Variants in HS3ST5 observed in about 807,000 individuals in gnomAD.
The protein encoded by HS3ST5 is heparan sulfate glucosamine 3-O-sulfotransferase 5.
HS3ST5 carries 10 observed loss-of-function variants against 25.4 expected under a neutral mutation model. The ratio of observed to expected loss-of-function variants is 0.39; its 90% CI spans 0.24 to 0.67. The LOEUF is 0.67. Ranked by LOEUF, HS3ST5 falls within the 30% of genes least tolerant of loss-of-function variation. HS3ST5 has a pLI of 0.44. For synonymous variants in HS3ST5, 170 were observed against 162.4 expected (o/e 1.05, Z -0.36); for missense variants, 324 against 420.7 (o/e 0.77, Z 2.01).
intron 3 of HS3ST5, among the ~76,000 whole-genome samples, chr6:114,098,388 C>T (rs908841202): frequency 6.6e-6 from 1 of 150,774 alleles, no homozygotes; most frequent in Non-Finnish European, 1.5e-5. Context: ...GGAAACAAAA[C>T]ATATAACAAA....
At chr6:114,078,111 A>C (rs1224847070) in intron 3 of HS3ST5, among the ~76,000 whole-genome samples, 2 of 152,254 alleles carry the variant, frequency 1.3e-5, no homozygotes, top group Non-Finnish European at 1.5e-5. Context: ...TTGATATAAA[A>C]TTTTAGCAAA....
At chr6:114,191,208 C>A (rs1780485631) in intron 2 of HS3ST5, among the ~76,000 whole-genome samples, 1 of 152,098 alleles carries the variant, frequency 6.6e-6, no homozygotes, top group Non-Finnish European at 1.5e-5. Flanking sequence ...AATGTGTATT[C>A]CACGTATGTG....
Position 114,215,024 on chromosome 6 carries a change from G to A in HS3ST5, c.-145+13561C>T, listed in dbSNP as rs369381006. On this transcript the variant is annotated intron_variant, in intron 2 of 4. Coordinates refer to ENST00000312719, the MANE Select transcript of HS3ST5 (RefSeq NM_153612.4). ...CTGTAGTTTCCTGATAAAAACTCAG[G>A]GCCAGGCGCGGTGGCTCATGCCTGT... 3.3e-5 allele frequency among the ~76,000 whole-genome samples: 5 copies of A among 152,200 alleles called. No individual in the cohort carries two copies. In the East Asian group the frequency reaches 9.7e-4, roughly 29 times the overall value.
chr6:114,182,117 A>C (rs1780002231), intron 2 of HS3ST5, among the ~76,000 whole-genome samples: 1 of 152,132 alleles, frequency 6.6e-6, no homozygotes, highest in African/African-American at 2.4e-5. Context: ...ATATTGCCAT[A>C]TTTATAGGAA....
intron 3 of HS3ST5, chr6:114,167,762 T>C (rs1362905734): frequency 6.6e-6 from 1 of 152,110 alleles, no homozygotes; most frequent in African/African-American, 2.4e-5. Flanking sequence ...TATGCACATA[T>C]GGATAAAAAG....
intron 3 of HS3ST5, among the ~76,000 whole-genome samples, chr6:114,091,755 A>G (rs1267207531): frequency 6.6e-6 from 1 of 152,082 alleles, no homozygotes; most frequent in East Asian, 1.9e-4. Context: ...GCCTTTCCCA[A>G]CAAAGAAAGC....
At chr6:114,267,616 A>T (rs957837462) in intron 1 of HS3ST5, among the ~76,000 whole-genome samples, 1 of 152,134 alleles carries the variant, frequency 6.6e-6, no homozygotes, top group Non-Finnish European at 1.5e-5. Flanking sequence ...CTTTATTTAT[A>T]AGGTAGGGAT....
Position 114,342,410 on chromosome 6 carries a change from C to G in HS3ST5, c.-554G>C, listed in dbSNP as rs1776923010. On this transcript the variant is annotated 5_prime_UTR_variant, in exon 1 of 5. Transcript: ENST00000312719. Reference sequence around the variant, plus strand: ...CGCGTGTGAGTAAGACGCGAGCGGGCCCCACACGCAGGCGGCGGCGGCGGC... The same window carrying G: ...CGCGTGTGAGTAAGACGCGAGCGGGGCCCACACGCAGGCGGCGGCGGCGGC... 1 of 193,076 alleles carries G rather than the reference C, an allele frequency of 5.2e-6. No individual in the cohort carries two copies. Among genetic ancestry groups the G allele is most frequent in the Admixed American group, 6.3e-5 (1 of 15,960 alleles). The allele number at this position is 193,076 out of a possible 1,614,324, so 12.0% of individuals were successfully genotyped here.
intron 1 of HS3ST5, among the ~76,000 whole-genome samples, chr6:114,318,761 T>A (rs978133170): frequency 6.6e-6 from 1 of 152,166 alleles, no homozygotes. Flanking sequence ...AATGAACCTC[T>A]TGGGGAAATA....
At chr6:114,272,124 G>C (rs1014541066) in intron 1 of HS3ST5, among the ~76,000 whole-genome samples, 2 of 151,990 alleles carry the variant, frequency 1.3e-5, no homozygotes, top group African/African-American at 4.8e-5. Context: ...TCCTACTTCT[G>C]GGTCACCTAA....
At chr6:114,305,775 A>G (rs1775262591) in intron 1 of HS3ST5, among the ~76,000 whole-genome samples, 1 of 152,132 alleles carries the variant, frequency 6.6e-6, no homozygotes, top group Admixed American at 6.6e-5. Context: ...CTAAGGCACC[A>G]GCATCTTACT....
chr6:114,240,956 C>G (rs952445194), intron 1 of HS3ST5, among the ~76,000 whole-genome samples: 1 of 151,908 alleles, frequency 6.6e-6, no homozygotes, highest in Non-Finnish European at 1.5e-5. Context: ...ATGAGGACAC[C>G]GAGCAAGGTA....
chr6:114,080,319 ATGC>A (rs1774378989), intron 3 of HS3ST5, among the ~76,000 whole-genome samples: 1 of 152,180 alleles, frequency 6.6e-6, no homozygotes, highest in South Asian at 2.1e-4. Context: ...TCAATAAACG[ATGC>A]TGTGAACAGA....
intron 3 of HS3ST5, among the ~76,000 whole-genome samples, chr6:114,166,254 G>T (rs193187208): frequency 2.8e-4 from 43 of 152,198 alleles, no homozygotes; most frequent in African/African-American, 1.0e-3. Context: ...TGTATCATCA[G>T]TAGGGTGGTA....
intron 3 of HS3ST5, among the ~76,000 whole-genome samples, chr6:114,126,481 G>T (rs1777045051): frequency 6.6e-6 from 1 of 152,182 alleles, no homozygotes; most frequent in Admixed American, 6.5e-5. Context: ...GGATCCTCCA[G>T]CTATGTGCAG....
intron 1 of HS3ST5, among the ~76,000 whole-genome samples, chr6:114,312,871 A>T (rs1227989307): frequency 2.6e-5 from 4 of 151,832 alleles, no homozygotes; most frequent in Non-Finnish European, 5.9e-5. Context: ...TCTATTAAAA[A>T]ATACAAAAAT....
At chr6:114,236,621 GATC>G (rs1771867209) in intron 1 of HS3ST5, among the ~76,000 whole-genome samples, 1 of 152,116 alleles carries the variant, frequency 6.6e-6, no homozygotes, top group Non-Finnish European at 1.5e-5. Flanking sequence ...GCATGATGAT[GATC>G]ACTATACACA....
chr6:114,136,802 C>T (rs778661923), intron 3 of HS3ST5, among the ~76,000 whole-genome samples: 2 of 152,172 alleles, frequency 1.3e-5, no homozygotes, highest in African/African-American at 2.4e-5. Flanking sequence ...TACTTTAAAT[C>T]ATTCTAGACA....
chr6:114,282,774 G>A (rs910264152), intron 1 of HS3ST5, among the ~76,000 whole-genome samples: 1 of 151,818 alleles, frequency 6.6e-6, no homozygotes, highest in Non-Finnish European at 1.5e-5. Flanking sequence ...GGACCACTTT[G>A]GTAAGCTTTT....
Sources: gnomAD v4.1 joint callset for allele counts (sites outside exome capture counted in the v4.1 genomes callset) on GRCh38, gnomAD v4.1.1 for gene constraint, MANE v1.5 for transcripts, NCBI Gene and HGNC (gene_info 2026-07-23, HGNC 2026-07-21) for gene names.